Variants in CCSER1 observed in about 807,000 individuals in gnomAD.
CCSER1 encodes the protein coiled-coil serine rich protein 1.
A neutral mutation model predicts 82.0 loss-of-function variants in CCSER1; 41 were observed. That is an observed-to-expected ratio of 0.50 (90% CI 0.39 to 0.65). The LOEUF (loss-of-function observed/expected upper bound fraction) is 0.65. Among genes scored for constraint, CCSER1 ranks in the 30% least tolerant of loss-of-function variants. CCSER1 has a pLI of 0.00. For synonymous variants in CCSER1, 414 were observed against 383.9 expected (o/e 1.08, Z -0.92); for missense variants, 1,119 against 1,064.2 (o/e 1.05, Z -0.72).
chr4:90,898,632 GAAGT>G (rs1724123467), intron 8 of CCSER1, among the ~76,000 whole-genome samples: 1 of 151,752 alleles, frequency 6.6e-6, no homozygotes, highest in Non-Finnish European at 1.5e-5. Flanking sequence ...AGTATGTTGA[GAAGT>G]AAGGGTCCAG....
chr4:90,704,776 A>C (rs1273575990), intron 6 of CCSER1, among the ~76,000 whole-genome samples: 2 of 152,150 alleles, frequency 1.3e-5, no homozygotes, highest in African/African-American at 4.8e-5. Flanking sequence ...TCGCTACTGA[A>C]GCTTGTGCAT....
In CCSER1 at chr4:91,572,142, G is replaced by A. The variant is rs574517135; in HGVS notation, c.2218-26430G>A. Among the ~76,000 whole-genome samples, 16 of 152,162 alleles carry A rather than the reference G, an allele frequency of 1.1e-4. 1 individual carries two copies. In the South Asian group the frequency reaches 3.3e-3, roughly 32 times the overall value. ...CTGCCCAGTGAGAAAATACGGGAAT[G>A]GGTACCCATTTAATAATCTGGCCAC... On this transcript the variant is annotated intron_variant, in intron 10 of 10. Transcript: ENST00000509176.
chr4:90,190,316 A>G (rs1225091646), intron 1 of CCSER1, among the ~76,000 whole-genome samples: 3 of 152,132 alleles, frequency 2.0e-5, no homozygotes, highest in Non-Finnish European at 2.9e-5. Context: ...TGGGACAGGC[A>G]TTGTACAGAA....
At chr4:90,329,243 GGGAA>G (rs771605646) in intron 3 of CCSER1, among the ~76,000 whole-genome samples, 2,684 of 152,112 alleles carry the variant, frequency 0.018, 41 homozygotes, top group Non-Finnish European at 0.027. Flanking sequence ...TGATTGATTT[GGGAA>G]AGGACACTGA....
chr4:90,551,853 T>C (rs958294577), intron 5 of CCSER1, among the ~76,000 whole-genome samples: 6 of 151,964 alleles, frequency 3.9e-5, no homozygotes, highest in Non-Finnish European at 8.8e-5. Context: ...ATCTGAAGAC[T>C]GGGTAACTTT....
chr4:91,488,614 T>C (rs1225009927), intron 10 of CCSER1, among the ~76,000 whole-genome samples: 2 of 152,204 alleles, frequency 1.3e-5, no homozygotes, highest in East Asian at 3.9e-4. Flanking sequence ...GTGTAACACC[T>C]TGCCCAGCTC....
intron 1 of CCSER1, among the ~76,000 whole-genome samples, chr4:90,185,562 A>C (rs767437016): frequency 1.3e-5 from 2 of 152,050 alleles, no homozygotes; most frequent in Admixed American, 1.3e-4. Context: ...AGTGCTGATA[A>C]TAAAGTAATA....
intron 4 of CCSER1, among the ~76,000 whole-genome samples, chr4:90,426,124 A>G (rs1560500474): frequency 6.6e-6 from 1 of 152,172 alleles, no homozygotes; most frequent in Non-Finnish European, 1.5e-5. Flanking sequence ...CAGAGGCCCA[A>G]CATTCCTTGG....
chr4:90,707,569 G>T (rs1217070213), intron 6 of CCSER1, among the ~76,000 whole-genome samples: 1 of 150,530 alleles, frequency 6.6e-6, no homozygotes, highest in Non-Finnish European at 1.5e-5. Flanking sequence ...TATTCAAACA[G>T]TTTTTACTAC....
At chr4:91,476,301 T>A (rs1210479405) in intron 10 of CCSER1, among the ~76,000 whole-genome samples, 1 of 151,848 alleles carries the variant, frequency 6.6e-6, no homozygotes, top group East Asian at 1.9e-4. Context: ...GCAAGCATTA[T>A]TTTCTGTCTT....
At chr4:91,521,651 T>C (rs1760479426) in intron 10 of CCSER1, among the ~76,000 whole-genome samples, 2 of 152,258 alleles carry the variant, frequency 1.3e-5, no homozygotes, top group African/African-American at 4.8e-5. Context: ...CATTCTTTCA[T>C]GTGTCTGTTG....
At chr4:90,794,441 T>C (rs1339470669) in intron 7 of CCSER1, among the ~76,000 whole-genome samples, 2 of 152,160 alleles carry the variant, frequency 1.3e-5, no homozygotes, top group African/African-American at 4.8e-5. Flanking sequence ...ATTGCTTGTT[T>C]TTGTCAGGGT....
At chr4:90,775,684 T>A (rs929388489) in intron 7 of CCSER1, among the ~76,000 whole-genome samples, 1 of 152,214 alleles carries the variant, frequency 6.6e-6, no homozygotes, top group Non-Finnish European at 1.5e-5. Flanking sequence ...GGAAGGTACA[T>A]TTTTCACTTA....
intron 1 of CCSER1, among the ~76,000 whole-genome samples, chr4:90,254,401 G>T (rs1451289634): frequency 6.6e-6 from 1 of 152,092 alleles, no homozygotes; most frequent in Non-Finnish European, 1.5e-5. Context: ...TTGTCAACTT[G>T]ATATTATCTT....
At chr4:90,946,521 T>C (rs1304350808) in intron 9 of CCSER1, among the ~76,000 whole-genome samples, 1 of 151,674 alleles carries the variant, frequency 6.6e-6, no homozygotes, top group Non-Finnish European at 1.5e-5. Context: ...ATCCCAACTA[T>C]TCTGGAGGCG....
rs1203876998 is a variant in CCSER1 at position 90,927,416 on chromosome 4, AATT to A, written c.2172+3977_2172+3979del. Among the ~76,000 whole-genome samples the A allele has an allele frequency of 4.6e-5, 7 of 152,040 alleles. No individual in the cohort carries two copies. In the East Asian group the frequency reaches 9.6e-4, roughly 21 times the overall value. On this transcript the variant is annotated intron_variant, in intron 9 of 10. Transcript: ENST00000509176. ...TTATCAGGTATTTCATTAAATATTA[AATT>A]ATTATTAATTACTGTTAGTTTAAAT...
Position 90,540,524 on chromosome 4 carries a change from G to GC in CCSER1, c.1724+72171dup, listed in dbSNP as rs540280665. Among the ~76,000 whole-genome samples, 5 of 152,160 alleles carry GC rather than the reference G, an allele frequency of 3.3e-5. No homozygotes were observed. In the South Asian group the frequency reaches 1.0e-3, roughly 32 times the overall value. On this transcript the variant is annotated intron_variant, in intron 5 of 10. Coordinates refer to ENST00000509176, the MANE Select transcript of CCSER1 (RefSeq NM_001145065.2). ...TATTTCAAAACTGTAATAGACAACA[G>GC]CAGAACCTTTGCTTGCAAATTATTT...
chr4:90,708,662 CT>C (rs1739894116), intron 6 of CCSER1, among the ~76,000 whole-genome samples: 1 of 152,096 alleles, frequency 6.6e-6, no homozygotes, highest in African/African-American at 2.4e-5. Flanking sequence ...AGAAGCCCTC[CT>C]TGTTCTATTG....
chr4:91,498,234 A>G (rs1463055047), intron 10 of CCSER1, among the ~76,000 whole-genome samples: 1 of 151,960 alleles, frequency 6.6e-6, no homozygotes, highest in Admixed American at 6.6e-5. Context: ...GAAAATTTAG[A>G]TATTTCACTT....
Sources: allele counts gnomAD v4.1 joint callset (sites outside exome capture counted in the v4.1 genomes callset), GRCh38; gene constraint gnomAD v4.1.1; transcripts MANE v1.5; gene names NCBI Gene and HGNC (gene_info 2026-07-23, HGNC 2026-07-21).